Variants in CEP43 observed in about 807,000 individuals in gnomAD.
CEP43 encodes centrosomal protein 43.
Under a neutral mutation model 52.6 loss-of-function variants are expected in CEP43, and 36 were observed. The ratio of observed to expected loss-of-function variants is 0.68; its 90% CI spans 0.52 to 0.90. The LOEUF (loss-of-function observed/expected upper bound fraction) is 0.90. CEP43 is among the 40% of genes least tolerant of loss of function. The pLI, the probability that CEP43 is intolerant of heterozygous loss-of-function variation, is 0.00. For missense variants in CEP43, 506 were observed against 472.8 expected, an observed-to-expected ratio of 1.07 and a Z score of -0.65; for synonymous variants, 192 against 172.4, an observed-to-expected ratio of 1.11 and a Z score of -0.89.
intron 1 of CEP43, chr6:166,999,819 T>G: frequency 1.8e-6 from 1 of 548,808 alleles, no homozygotes; most frequent in Non-Finnish European, 3.2e-6. Flanking sequence ...GGCCCTGGAG[T>G]GCGGCCCCAG....
rs755152928 is a variant in CEP43 at position 167,042,084 on chromosome 6, C to G, written c.*2106C>G. ...TTCCTGCCTTAGCCTCCTAAAGTGC[C>G]GGGATTACAGGCGTGAACCACCGCA... On this transcript the variant is annotated 3_prime_UTR_variant, in exon 13 of 13. Transcript: ENST00000366847. 2 of 962,776 alleles carry G rather than the reference C, an allele frequency of 2.1e-6. No individual in the cohort carries two copies. Among genetic ancestry groups the G allele is most frequent in the Non-Finnish European group, 2.5e-6 (2 of 802,720 alleles). The allele number at this position is 962,776 out of a possible 1,614,324, so 59.6% of individuals were successfully genotyped here. A position where few individuals can be genotyped will look rare whatever the true frequency, so the allele number is the denominator to read the frequency against.
intron 5 of CEP43, 25 bp from the exon 6 acceptor site, chr6:167,010,788 T>G: frequency 2.4e-6 from 3 of 1,270,792 alleles, no homozygotes; most frequent in East Asian, 2.8e-5. Flanking sequence ...TAAATGTATT[T>G]TAATTTTAAA....
Position 167,022,562 on chromosome 6 carries a change from C to G in CEP43, c.733C>G (p.Pro245Ala), listed in dbSNP as rs1450898321. Residue 245 changes from proline (P) to alanine (A), a missense_variant, in exon 8 of 13, where the codon CCA (proline) becomes GCA (alanine). Coordinates refer to ENST00000366847, the MANE Select transcript of CEP43 (RefSeq NM_007045.4). ...LDGKDKAGLC[P>A]DEDDMEGDSF... ...TGGCAAAGACAAAGCTGGCCTTTGTCCAGATGAAGATGATATGGAAGGAGA... is the reference window on the plus strand; with the variant it reads ...TGGCAAAGACAAAGCTGGCCTTTGTGCAGATGAAGATGATATGGAAGGAGA... 6.2e-7 allele frequency: 1 copy of G among 1,614,040 alleles called. No homozygotes were observed. Among genetic ancestry groups the G allele is most frequent in the Non-Finnish European group, 8.5e-7 (1 of 1,179,980 alleles).
rs892805580 is a variant in CEP43, at chr6:167,049,462, A to G, written c.*9484A>G. ...ACATTACATATAAACGGAATTATACACTATGTGGCCTTTTATGACTGGCTT... is the reference window on the plus strand; with the variant it reads ...ACATTACATATAAACGGAATTATACGCTATGTGGCCTTTTATGACTGGCTT... On this transcript the variant is annotated 3_prime_UTR_variant, in exon 13 of 13. Transcript: ENST00000366847. The G allele has an allele frequency of 1.3e-5, 2 of 152,210 alleles. No individual in the cohort carries two copies. Among genetic ancestry groups the G allele is most frequent in the Non-Finnish European group, 2.9e-5 (2 of 68,034 alleles). The allele number at this position is 152,210 out of a possible 1,614,324, so 9.4% of individuals were successfully genotyped here. A position where few individuals can be genotyped will look rare whatever the true frequency, so the allele number is the denominator to read the frequency against.
At chr6:167,033,099 C>CTTTTTTTT (rs71032896) in intron 11 of CEP43, among the ~76,000 whole-genome samples, 3 of 68,298 alleles carry the variant, frequency 4.4e-5, no homozygotes, top group African/African-American at 1.1e-4. Flanking sequence ...TTGCCATTCT[C>CTTTTTTTT]TTTTTTTTTT....
intron 4 of CEP43, 78 bp from the exon 5 acceptor site, chr6:167,004,184 ACT>A: frequency 7.0e-7 from 1 of 1,419,312 alleles, no homozygotes; most frequent in Non-Finnish European, 9.5e-7. Flanking sequence ...ATGTCTTTAA[ACT>A]CTGAAAATAT....
intron 5 of CEP43, among the ~76,000 whole-genome samples, chr6:167,008,907 A>C (rs915075856): frequency 1.3e-5 from 2 of 152,330 alleles, no homozygotes; most frequent in South Asian, 4.1e-4. Context: ...GAAAGAAGTG[A>C]AACACATAAG....
chr6:167,019,983 C>A (rs1583280478), intron 7 of CEP43, among the ~76,000 whole-genome samples: 1 of 152,228 alleles, frequency 6.6e-6, no homozygotes, highest in South Asian at 2.1e-4. Flanking sequence ...TGGCCACAGG[C>A]TGTGTCATTG....
chr6:167,028,591 C>A, intron 10 of CEP43: 1 of 652,584 alleles, frequency 1.5e-6, no homozygotes, highest in Non-Finnish European at 1.9e-6. Flanking sequence ...TGTTAGTGGA[C>A]CAGCCTAGGA....
intron 7 of CEP43, among the ~76,000 whole-genome samples, chr6:167,016,211 A>G (rs552287845): frequency 1.1e-3 from 174 of 152,174 alleles, no homozygotes; most frequent in Non-Finnish European, 2.3e-3. Flanking sequence ...TTATCATTAT[A>G]TTAAATGTAA....
Position 167,008,117 on chromosome 6 carries a change from T to C in CEP43, c.439-2696T>C, listed in dbSNP as rs561237259. ...GTGGCCTTAACCTGTCTTTCTAGCC[T>C]TATGTGTTTTTTTTTTTTTTAATGT... On this transcript the variant is annotated intron_variant, in intron 5 of 12. Transcript: ENST00000366847. 3.0e-3 allele frequency among the ~76,000 whole-genome samples: 416 copies of C among 137,912 alleles called. 2 individuals are homozygous for C. Among genetic ancestry groups the C allele is most frequent in the Middle Eastern group, 0.015 (4 of 264 alleles). 90.5% of individuals were successfully genotyped at this position (137,912 alleles called of 152,430 possible).
Position 167,039,953 on chromosome 6 carries a change from C to T in CEP43, c.1175C>T (p.Ala392Val), listed in dbSNP as rs145487206. The T allele has an allele frequency of 2.4e-5, 38 of 1,613,520 alleles. No individual in the cohort carries two copies. Among genetic ancestry groups the T allele is most frequent in the East Asian group, 8.9e-5 (4 of 44,888 alleles). Residue 392 changes from alanine (A) to valine (V), a missense_variant, in exon 13 of 13, where the codon GCG becomes GTG. By Grantham distance (64) the Ala-to-Val change is moderately conservative. Transcript: ENST00000366847. ...ACTGTATCCCAGCTCAGTGATGTTG[C>T]GGATTATCTGGAAGATGTTGCATAG... ...DLTVSQLSDVADYLEDVA is the reference protein window; with the variant it reads ...DLTVSQLSDVVDYLEDVA
chr6:167,033,125 T>TTTG (rs1780508553), intron 11 of CEP43, among the ~76,000 whole-genome samples: 1 of 140,780 alleles, frequency 7.1e-6, no homozygotes, highest in African/African-American at 2.8e-5. Flanking sequence ...TTTTTTTTTT[T>TTTG]TTTGAGACAG....
chr6:167,039,188 G>C lies in CEP43; in HGVS notation c.1126-716G>C, dbSNP rs557043965. Among the ~76,000 whole-genome samples the C allele has an allele frequency of 2.6e-4, 40 of 152,112 alleles. No individual in the cohort carries two copies. In the East Asian group the frequency reaches 6.6e-3, roughly 25 times the overall value. ...TCTGTCACCCAAGCTGGAGTGCAGT[G>C]GTGCAATTTCGGCTCACTCCAACCT... is the stretch of plus-strand genomic sequence containing the variant. On this transcript the variant is annotated intron_variant, in intron 12 of 12. Transcript: ENST00000366847.
intron 12 of CEP43, chr6:167,036,847 G>T: frequency 2.4e-6 from 2 of 826,930 alleles, no homozygotes; most frequent in Non-Finnish European, 2.9e-6. Flanking sequence ...TCACTCTGTT[G>T]CCTAGGCTGG....
At chr6:167,013,597 C>A (rs752346273) in intron 7 of CEP43, 30 bp downstream of exon 7, 84 of 1,598,946 alleles carry the variant, frequency 5.3e-5, no homozygotes, top group Non-Finnish European at 7.0e-5. Context: ...AGGAGAAAAG[C>A]AGCCTGTGGG....
chr6:167,033,992 C>A (rs1583291359), intron 12 of CEP43, 21 bp downstream of exon 12: 2 of 1,183,402 alleles, frequency 1.7e-6, no homozygotes, highest in Non-Finnish European at 2.4e-6. Context: ...CTGCATTTCC[C>A]ATAGAGTGCT....
intron 12 of CEP43, among the ~76,000 whole-genome samples, chr6:167,037,356 ACACT>A (rs1182355592): frequency 1.5e-5 from 2 of 131,314 alleles, no homozygotes; most frequent in African/African-American, 4.9e-5. Flanking sequence ...TATTAATATA[ACACT>A]CAATTACTTT....
rs1230178958 is a variant in CEP43 at position 167,046,444 on chromosome 6, A to T, written c.*6466A>T. 4 of 152,260 alleles carry T rather than the reference A, an allele frequency of 2.6e-5. No individual in the cohort carries two copies. The East Asian group carries it at 7.7e-4, about 29-fold the overall frequency. The allele number at this position is 152,260 out of a possible 1,614,324, so 9.4% of individuals were successfully genotyped here. ...GAAAGCCATTTGTTCCTGCAAACCT[A>T]AACCTCTTTGTAGTAAGTTCTGGCA... is the stretch of plus-strand genomic sequence containing the variant. On this transcript the variant is annotated 3_prime_UTR_variant, in exon 13 of 13. Coordinates refer to ENST00000366847, the MANE Select transcript of CEP43 (RefSeq NM_007045.4).
Sources: gnomAD v4.1 joint callset for allele counts (sites outside exome capture counted in the v4.1 genomes callset) on GRCh38, gnomAD v4.1.1 for gene constraint, MANE v1.5 for transcripts, NCBI Gene and HGNC (gene_info 2026-07-23, HGNC 2026-07-21) for gene names.